The following NRXN3 variants were observed in gnomAD, a reference collection of about 807,000 sequenced individuals.
NRXN3 encodes neurexin 3.
NRXN3 carries 32 observed loss-of-function variants against 137.6 expected under a neutral mutation model. That is an observed-to-expected ratio of 0.23 (90% CI 0.18 to 0.31). The LOEUF (loss-of-function observed/expected upper bound fraction) is 0.31, where lower values mean the gene tolerates loss of function less well. NRXN3 is among the 10% of genes least tolerant of loss of function. The pLI, the probability that NRXN3 is intolerant of heterozygous loss-of-function variation, is 1.00. For missense variants in NRXN3, 1,574 were observed against 2,062.5 expected (o/e 0.76, Z 4.59); for synonymous variants, 798 against 784.5 (o/e 1.02, Z -0.29).
At chr14:78,436,139 T>C (rs966558408) in intron 4 of NRXN3, among the ~76,000 whole-genome samples, 1 of 152,094 alleles carries the variant, frequency 6.6e-6, no homozygotes, top group Non-Finnish European at 1.5e-5. Flanking sequence ...AGAGGCAGTG[T>C]AGGAATCTGT....
At chr14:79,793,585 T>A (rs1241345909) in intron 19 of NRXN3, among the ~76,000 whole-genome samples, 1 of 152,170 alleles carries the variant, frequency 6.6e-6, no homozygotes, top group East Asian at 1.9e-4. Context: ...GTTCTCAGGG[T>A]TAGCTATATA....
At chr14:78,891,946 C>G (rs1301626754) in intron 10 of NRXN3, among the ~76,000 whole-genome samples, 1 of 151,906 alleles carries the variant, frequency 6.6e-6, no homozygotes, top group East Asian at 1.9e-4. Flanking sequence ...TATGGAAATA[C>G]AAAGACAGAA....
chr14:79,276,474 A>C (rs1038480565), intron 15 of NRXN3, among the ~76,000 whole-genome samples: 6 of 152,200 alleles, frequency 3.9e-5, no homozygotes, highest in Non-Finnish European at 7.3e-5. Context: ...GCCTTACCAA[A>C]ATTCACGGTG....
At chr14:78,354,663 G>A (rs768035376) in intron 4 of NRXN3, among the ~76,000 whole-genome samples, 3 of 152,202 alleles carry the variant, frequency 2.0e-5, no homozygotes, top group Admixed American at 6.5e-5. Flanking sequence ...TTCTAGAAGA[G>A]CTTACATCAC....
chr14:78,613,662 G>A (rs1001442241), intron 4 of NRXN3, among the ~76,000 whole-genome samples: 7 of 151,014 alleles, frequency 4.6e-5, no homozygotes, highest in Admixed American at 4.6e-4. Context: ...ATACCAGGTG[G>A]GAGGGTTAGA....
intron 16 of NRXN3, among the ~76,000 whole-genome samples, chr14:79,565,260 T>C (rs1445878041): frequency 7.9e-4 from 2 of 2,524 alleles, no homozygotes; most frequent in Admixed American, 3.6e-3. Context: ...TATATACATA[T>C]ACACATGTGT....
chr14:78,984,085 A>G (rs2099496769), intron 14 of NRXN3, among the ~76,000 whole-genome samples: 1 of 152,118 alleles, frequency 6.6e-6, no homozygotes, highest in African/African-American at 2.4e-5. Context: ...TGGAAAAATA[A>G]GAGATGTTGA....
intron 4 of NRXN3, among the ~76,000 whole-genome samples, chr14:78,642,975 T>G (rs1001828546): frequency 5.9e-5 from 9 of 152,194 alleles, no homozygotes; most frequent in Non-Finnish European, 1.3e-4. Flanking sequence ...CCAATGTGTG[T>G]GCAAGCAGAC....
chr14:79,238,879 T>C (rs2073856907), intron 15 of NRXN3, among the ~76,000 whole-genome samples: 1 of 152,094 alleles, frequency 6.6e-6, no homozygotes, highest in Non-Finnish European at 1.5e-5. Flanking sequence ...TTTCTTTGTG[T>C]TATTTGGGAC....
intron 15 of NRXN3, among the ~76,000 whole-genome samples, chr14:79,308,353 C>CT (rs1039271180): frequency 6.6e-6 from 1 of 152,090 alleles, no homozygotes; most frequent in African/African-American, 2.4e-5. Context: ...GTGCAGCCAA[C>CT]TTTAAGAGTT....
chr14:79,692,803 G>T (rs1603432772), intron 18 of NRXN3, among the ~76,000 whole-genome samples: 1 of 151,926 alleles, frequency 6.6e-6, no homozygotes, highest in East Asian at 1.9e-4. Context: ...AGAAAAAAAT[G>T]AAAAAGATGA....
intron 10 of NRXN3, among the ~76,000 whole-genome samples, chr14:78,856,561 C>T (rs1289308800): frequency 1.3e-5 from 2 of 151,918 alleles, no homozygotes; most frequent in Non-Finnish European, 2.9e-5. Flanking sequence ...GTTGTCTCTT[C>T]TTATACGTTT....
chr14:78,781,802 A>G (rs939397054), intron 8 of NRXN3, among the ~76,000 whole-genome samples: 3 of 152,262 alleles, frequency 2.0e-5, no homozygotes, highest in Admixed American at 6.5e-5. Context: ...CAGGCCAGAG[A>G]TTGGCATTTG....
At chr14:79,553,797 G>A (rs1211568251) in intron 16 of NRXN3, among the ~76,000 whole-genome samples, 9 of 152,132 alleles carry the variant, frequency 5.9e-5, no homozygotes, top group Non-Finnish European at 5.9e-5. Flanking sequence ...TCATTGGTTA[G>A]CCCCCTAGAC....
intron 16 of NRXN3, among the ~76,000 whole-genome samples, chr14:79,640,744 T>C (rs556030861): frequency 7.3e-6 from 1 of 136,134 alleles, no homozygotes; most frequent in South Asian, 2.3e-4. Flanking sequence ...ACTTTTGTTC[T>C]ACTTGATACG....
intron 19 of NRXN3, among the ~76,000 whole-genome samples, chr14:79,704,257 G>A (rs755780576): frequency 6.6e-6 from 1 of 152,162 alleles, no homozygotes; most frequent in Non-Finnish European, 1.5e-5. Context: ...ACAGCATGTT[G>A]TTATCAATGG....
chr14:78,609,066 A>C (rs533988013), intron 4 of NRXN3, among the ~76,000 whole-genome samples: 4 of 152,202 alleles, frequency 2.6e-5, no homozygotes, highest in Non-Finnish European at 5.9e-5. Flanking sequence ...TTCAGGGCAC[A>C]GCTGGGCCAG....
At chr14:79,718,829 C>T (rs892535031) in intron 19 of NRXN3, among the ~76,000 whole-genome samples, 19 of 152,056 alleles carry the variant, frequency 1.2e-4, no homozygotes, top group African/African-American at 2.4e-5. Context: ...TCATCATCAA[C>T]CCAGATTCCT....
At chr14:78,286,632 T>G (rs1411764520) in intron 3 of NRXN3, among the ~76,000 whole-genome samples, 1 of 152,086 alleles carries the variant, frequency 6.6e-6, no homozygotes. Flanking sequence ...TAGGGAGGCA[T>G]CTGAGGATGC....
Sources: gnomAD v4.1 joint callset for allele counts (sites outside exome capture counted in the v4.1 genomes callset) on GRCh38, gnomAD v4.1.1 for gene constraint, MANE v1.5 for transcripts, NCBI Gene and HGNC (gene_info 2026-07-23, HGNC 2026-07-21) for gene names.